Variants in LRRC72 observed in about 807,000 individuals in gnomAD.
LRRC72 encodes leucine rich repeat containing 72.
In LRRC72, 41 loss-of-function variants were observed where a neutral mutation model predicts 35.8. That is an observed-to-expected ratio of 1.15 (90% CI 0.89 to 1.49). The LOEUF is 1.49. Among genes scored for constraint, LRRC72 ranks in the 40% most tolerant of loss-of-function variants. The pLI is 0.00. For missense variants in LRRC72, 389 were observed against 330.7 expected (o/e 1.18, Z -1.37); for synonymous variants, 118 against 119.2 (o/e 0.99, Z 0.07).
intron 3 of LRRC72, among the ~76,000 whole-genome samples, chr7:16,540,069 C>T (rs1037387875): frequency 5.3e-4 from 81 of 152,272 alleles, no homozygotes; most frequent in African/African-American, 1.9e-3. Flanking sequence ...TCACCGACAA[C>T]TTGCACCATG....
At chr7:16,571,187 T>C (rs1782937712) in intron 7 of LRRC72, among the ~76,000 whole-genome samples, 2 of 152,014 alleles carry the variant, frequency 1.3e-5, no homozygotes, top group Non-Finnish European at 1.5e-5. Flanking sequence ...AAAACAAAAA[T>C]GGAATTCTAA....
intron 3 of LRRC72, among the ~76,000 whole-genome samples, chr7:16,550,930 TC>T (rs1467931246): frequency 6.6e-6 from 1 of 152,178 alleles, no homozygotes; most frequent in East Asian, 1.9e-4. Flanking sequence ...TTCCTTCAAT[TC>T]CCCGGAGTTT....
chr7:16,526,917 A>G lies in LRRC72; in HGVS notation c.-36A>G, dbSNP rs1259345580. 1.2e-5 allele frequency: 18 copies of G among 1,515,800 alleles called. No individual in the cohort carries two copies. In the Admixed American group the frequency reaches 3.5e-4, roughly 30 times the overall value. 93.9% of individuals were successfully genotyped at this position (1,515,800 alleles called of 1,614,324 possible). A position where few individuals can be genotyped will look rare whatever the true frequency, so the allele number is the denominator to read the frequency against. ...CGGTGCCACCGGCGGGCGAGGCCGG[A>G]TTAATCACCGCTGCTTCGGCCGCCC... On this transcript the variant is annotated 5_prime_UTR_variant, in exon 1 of 9. Coordinates refer to ENST00000401542, the MANE Select transcript of LRRC72 (RefSeq NM_001195280.2).
chr7:16,567,647 CTT>C, intron 7 of LRRC72, 104 bp downstream of exon 7: 1 of 946,480 alleles, frequency 1.1e-6, no homozygotes, highest in Non-Finnish European at 1.5e-6. Flanking sequence ...TTACAATAAA[CTT>C]AAGTATCTAT....
At chr7:16,536,224 A>G (rs1782255086) in intron 2 of LRRC72, among the ~76,000 whole-genome samples, 2 of 152,198 alleles carry the variant, frequency 1.3e-5, no homozygotes, top group African/African-American at 4.8e-5. Flanking sequence ...TTACCTTTAA[A>G]AAGACTCAAA....
At chr7:16,541,112 A>G (rs1782348906) in intron 3 of LRRC72, among the ~76,000 whole-genome samples, 1 of 152,148 alleles carries the variant, frequency 6.6e-6, no homozygotes, top group African/African-American at 2.4e-5. Context: ...TGTTGGAATC[A>G]AAGCTTTATC....
chr7:16,538,976 C>T (rs1350184544), intron 3 of LRRC72, among the ~76,000 whole-genome samples: 1 of 152,024 alleles, frequency 6.6e-6, no homozygotes, highest in African/African-American at 2.4e-5. Flanking sequence ...TGAAAATGGA[C>T]GAATACAGAG....
rs947920911 is a variant in LRRC72, at chr7:16,581,455, A to T, written c.830A>T (p.Glu277Val). The T allele has an allele frequency of 2.6e-6, 4 of 1,550,014 alleles. No homozygotes were observed. In the East Asian group the frequency reaches 9.8e-5, roughly 38 times the overall value. ...AGGTACCTTGAAGAGGAAGGCACAG[A>T]AACAGCTCAAATGCTCACAGTTACA... ...EERYLEEEGT[E>V]TAQMLTVTLR Residue 277 changes from glutamate (E) to valine (V), a missense_variant, in exon 9 of 9, where the codon GAA (glutamate) becomes GTA (valine). Coordinates refer to ENST00000401542, the MANE Select transcript of LRRC72 (RefSeq NM_001195280.2).
At chr7:16,569,101 C>T (rs1782898448) in intron 7 of LRRC72, among the ~76,000 whole-genome samples, 1 of 152,114 alleles carries the variant, frequency 6.6e-6, no homozygotes, top group South Asian at 2.1e-4. Context: ...GCTATATTTA[C>T]CGCCCTCCAT....
intron 3 of LRRC72, among the ~76,000 whole-genome samples, chr7:16,545,669 G>A (rs1782433112): frequency 1.3e-5 from 2 of 151,922 alleles, no homozygotes. Flanking sequence ...TTACCTTAGG[G>A]CAACATGAAT....
Position 16,575,469 on chromosome 7 carries a change from G to A in LRRC72, c.671-4605G>A, listed in dbSNP as rs537602487. On this transcript the variant is annotated intron_variant, in intron 7 of 8. Coordinates refer to ENST00000401542, the MANE Select transcript of LRRC72 (RefSeq NM_001195280.2). The stretch of plus-strand genomic sequence containing the variant: ...GTCAGAGATCAACCAATAGAGAGGT[G>A]GTAGTACCAGTGTGGGATTAGACTC... Among the ~76,000 whole-genome samples the A allele has an allele frequency of 4.6e-5, 7 of 152,246 alleles. 1 individual carries two copies. Among genetic ancestry groups the A allele is most frequent in the East Asian group, 1.9e-4 (1 of 5,184 alleles).
At chr7:16,546,483 G>A (rs1782445477) in intron 3 of LRRC72, among the ~76,000 whole-genome samples, 2 of 151,944 alleles carry the variant, frequency 1.3e-5, no homozygotes, top group Non-Finnish European at 1.5e-5. Flanking sequence ...GCTCCCTGGG[G>A]GGCAAAATTC....
chr7:16,581,529 A>T lies in LRRC72; in HGVS notation c.*40A>T. The T allele has an allele frequency of 7.1e-7, 1 of 1,413,184 alleles. No homozygotes were observed. The highest frequency in any genetic ancestry group is 9.3e-7 in the Non-Finnish European group (1 of 1,071,974). The allele number at this position is 1,413,184 out of a possible 1,614,324, so 87.5% of individuals were successfully genotyped here. ...AGATATCTTAGTGGTTTTCAGTTGT[A>T]TATTAAACTTCCCTGTGACTTAGCA... On this transcript the variant is annotated 3_prime_UTR_variant, in exon 9 of 9. Transcript: ENST00000401542.
At chr7:16,556,374 T>C (rs1782650716) in intron 3 of LRRC72, among the ~76,000 whole-genome samples, 1 of 152,152 alleles carries the variant, frequency 6.6e-6, no homozygotes, top group Non-Finnish European at 1.5e-5. Context: ...ACTGTACAAG[T>C]CAAAGTAAGC....
At chr7:16,531,780 AC>A (rs1782169199) in intron 1 of LRRC72, among the ~76,000 whole-genome samples, 1 of 152,144 alleles carries the variant, frequency 6.6e-6, no homozygotes, top group East Asian at 1.9e-4. Flanking sequence ...TTAGCAAAGG[AC>A]TTTAAGAAAA....
chr7:16,578,591 CTATG>C (rs1354860928), intron 7 of LRRC72, among the ~76,000 whole-genome samples: 1 of 152,198 alleles, frequency 6.6e-6, no homozygotes, highest in Admixed American at 6.5e-5. Flanking sequence ...AAACAAATCT[CTATG>C]TATATATACA....
chr7:16,566,639 G>A (rs185531834), intron 6 of LRRC72, among the ~76,000 whole-genome samples: 1 of 152,256 alleles, frequency 6.6e-6, no homozygotes, highest in East Asian at 1.9e-4. Context: ...CTCTAACTGA[G>A]CTGAGGAAAG....
At chr7:16,566,488 T>C in intron 6 of LRRC72, 86 bp downstream of exon 6, 1 of 692,406 alleles carries the variant, frequency 1.4e-6, no homozygotes. Context: ...CCTTTGAAAA[T>C]ATGTCTTTGT....
chr7:16,566,382 T>G lies in LRRC72; in HGVS notation c.497T>G (p.Val166Gly). ...TATATCATCTACCACCTTCCAGGAG[T>G]GGAGCTGCTTGACCGAAATCGTAAG... ...RLYIIYHLPG[V>G]ELLDRNQVTE... Residue 166 changes from valine to glycine, a missense_variant, in exon 6 of 9, where the codon GTG (valine) becomes GGG (glycine). Physicochemically the swap from Val to Gly is moderately radical, Grantham distance 109 (BLOSUM62 -3). Coordinates refer to ENST00000401542, the MANE Select transcript of LRRC72 (RefSeq NM_001195280.2). 1 of 1,545,540 alleles carries G rather than the reference T, an allele frequency of 6.5e-7. No homozygotes were observed. Among genetic ancestry groups the G allele is most frequent in the Middle Eastern group, 1.7e-4 (1 of 5,978 alleles).
Sources: allele counts gnomAD v4.1 joint callset (sites outside exome capture counted in the v4.1 genomes callset), GRCh38; gene constraint gnomAD v4.1.1; transcripts MANE v1.5; gene names NCBI Gene and HGNC (gene_info 2026-07-23, HGNC 2026-07-21).